CLCN4: variants seen among roughly 807,000 people sequenced by gnomAD.
CLCN4 encodes the protein H(+)/Cl(-) exchange transporter 4.
In CLCN4, 1 loss-of-function variant was observed where a neutral mutation model predicts 41.7. The observed-to-expected ratio is 0.02, with a 90% CI of 0.01 to 0.11. The LOEUF (loss-of-function observed/expected upper bound fraction) is 0.11, where lower values mean the gene tolerates loss of function less well. CLCN4 is among the 10% of genes least tolerant of loss of function. The probability of loss-of-function intolerance (pLI) is 1.00; values close to 1 mark genes in which losing one functional copy is unlikely to be tolerated. For synonymous variants in CLCN4, 277 were observed against 285.8 expected (o/e 0.97, Z 0.31); for missense variants, 287 against 661.0 (o/e 0.43, Z 6.20).
At chrX:10,157,167 T>C in intron 1 of CLCN4, 67 bp downstream of exon 1, 1 of 290,352 alleles carries the variant, frequency 3.4e-6, no homozygotes, top group Non-Finnish European at 6.0e-6. Flanking sequence ...ACTGCGACTT[T>C]GTTGATTTTT....
intron 12 of CLCN4, among the ~76,000 whole-genome samples, chrX:10,228,829 T>C (rs1372684940): frequency 9.0e-6 from 1 of 111,586 alleles, no homozygotes; most frequent in African/African-American, 3.3e-5. Context: ...CCAACCGGTG[T>C]AGAACTATTT....
At chrX:10,232,195 A>T (rs1186043962) in intron 12 of CLCN4, among the ~76,000 whole-genome samples, 1 of 111,723 alleles carries the variant, frequency 9.0e-6, no homozygotes, top group Non-Finnish European at 1.9e-5. Flanking sequence ...CTTTTCCAAG[A>T]CTGTTTAAGG....
intron 12 of CLCN4, among the ~76,000 whole-genome samples, chrX:10,233,073 G>A (rs1271434677): frequency 8.9e-6 from 1 of 111,901 alleles, no homozygotes; most frequent in East Asian, 2.8e-4. Context: ...GGATATAGTA[G>A]TCATCATAGG....
chrX:10,232,162 A>C (rs1169749678), intron 12 of CLCN4, among the ~76,000 whole-genome samples: 1 of 111,944 alleles, frequency 8.9e-6, no homozygotes, highest in Non-Finnish European at 1.9e-5. Context: ...ATACATAGGG[A>C]AACCAACACA....
rs779911971 is a variant in CLCN4, at chrX:10,208,137, G to T, written c.936G>T (p.Gly312=). The change falls in exon 9 of 13, where the codon GGG becomes GGT. Residue 312 remains glycine (G), a synonymous_variant. Transcript: ENST00000380833. ...CGCTGAGATCCATCAATCCCTTTGG[G>T]AATAGCCGTCTCGTTCTCTTTTATG... ...AFTLRSINPF[G]NSRLVLFYVE... 3.3e-6 allele frequency: 4 copies of T among 1,211,536 alleles called. No individual in the cohort carries two copies. Among genetic ancestry groups the T allele is most frequent in the South Asian group, 3.5e-5 (2 of 56,969 alleles).
intron 2 of CLCN4, among the ~76,000 whole-genome samples, chrX:10,180,767 CAAAAAAA>C (rs869040200): frequency 2.5e-3 from 62 of 25,038 alleles, no homozygotes; most frequent in Non-Finnish European, 3.7e-3. Context: ...AACTCCATCT[CAAAAAAA>C]AAAAAAAAAA....
intron 2 of CLCN4, among the ~76,000 whole-genome samples, chrX:10,179,691 A>G (rs1923623212): frequency 9.0e-6 from 1 of 111,583 alleles, no homozygotes; most frequent in Non-Finnish European, 1.9e-5. Flanking sequence ...GGCGACATGC[A>G]GGGGGATAAG....
At chrX:10,208,740 C>A in intron 9 of CLCN4, 150 bp downstream of exon 9, 1 of 464,368 alleles carries the variant, frequency 2.2e-6, no homozygotes, top group Non-Finnish European at 3.6e-6. Flanking sequence ...TTCCTTTAAT[C>A]AATAGGAAAT....
At chrX:10,212,142 C>T (rs935819353) in intron 9 of CLCN4, among the ~76,000 whole-genome samples, 2 of 112,406 alleles carry the variant, frequency 1.8e-5, no homozygotes, top group African/African-American at 6.5e-5. Flanking sequence ...AGTGGTGTCT[C>T]AACTGACAGA....
chrX:10,236,683 A>C lies in CLCN4; in HGVS notation c.*3099A>C, dbSNP rs1925260569. ...TTTATCTGGTGATCTGATGAACAGCATGGGGACGTGGAGGTGAAATAAGCA... is the reference window on the plus strand; with the variant it reads ...TTTATCTGGTGATCTGATGAACAGCCTGGGGACGTGGAGGTGAAATAAGCA... On this transcript the variant is annotated 3_prime_UTR_variant, in exon 13 of 13. Coordinates refer to ENST00000380833, the MANE Select transcript of CLCN4 (RefSeq NM_001830.4). 1 of 110,945 alleles carries C rather than the reference A, an allele frequency of 9.0e-6. No individual in the cohort carries two copies. Among genetic ancestry groups the C allele is most frequent in the Non-Finnish European group, 1.9e-5 (1 of 53,017 alleles). 9.1% of individuals were successfully genotyped at this position (110,945 alleles called of 1,213,427 possible).
chrX:10,202,003 AG>A (rs1382793299), intron 6 of CLCN4, among the ~76,000 whole-genome samples: 1 of 111,240 alleles, frequency 9.0e-6, no homozygotes, highest in South Asian at 3.8e-4. Flanking sequence ...AATTTAAAGA[AG>A]GTTTTTTTTA....
In CLCN4 at chrX:10,237,128, T is replaced by TTTTGAGCC. The variant is rs1477598594; in HGVS notation, c.*3546_*3553dup. On this transcript the variant is annotated 3_prime_UTR_variant, in exon 13 of 13. Coordinates refer to ENST00000380833, the MANE Select transcript of CLCN4 (RefSeq NM_001830.4). The stretch of plus-strand genomic sequence containing the variant: ...CAAAGGAGATGTGTAAACTGATAGA[T>TTTTGAGCC]TTTGAGCCTAATAAGTCACAGAAAT... The TTTTGAGCC allele has an allele frequency of 2.7e-5, 3 of 112,487 alleles. No individual in the cohort carries two copies. Among genetic ancestry groups the TTTTGAGCC allele is most frequent in the African/African-American group, 9.7e-5 (3 of 30,942 alleles). The allele number at this position is 112,487 out of a possible 1,213,427, so 9.3% of individuals were successfully genotyped here.
chrX:10,204,921 G>A (rs898006460), intron 6 of CLCN4, among the ~76,000 whole-genome samples: 5 of 110,794 alleles, frequency 4.5e-5, no homozygotes, highest in Non-Finnish European at 9.4e-5. Flanking sequence ...AAGGAGTGAA[G>A]ACCCAAAGAT....
At chrX:10,168,281 G>C (rs1006676334) in intron 2 of CLCN4, among the ~76,000 whole-genome samples, 1 of 111,682 alleles carries the variant, frequency 9.0e-6, no homozygotes, top group African/African-American at 3.3e-5. Flanking sequence ...TTGCAGATGC[G>C]GGATGTCATT....
At chrX:10,171,321 G>A (rs868698581) in intron 2 of CLCN4, among the ~76,000 whole-genome samples, 78 of 112,545 alleles carry the variant, frequency 6.9e-4, no homozygotes, top group Middle Eastern at 4.6e-3. Flanking sequence ...GCTCATTTGT[G>A]TAGGAGAGGT....
intron 12 of CLCN4, among the ~76,000 whole-genome samples, chrX:10,225,559 G>A (rs1239566165): frequency 2.7e-5 from 3 of 112,135 alleles, no homozygotes; most frequent in Non-Finnish European, 5.6e-5. Context: ...TCACTCTGAT[G>A]ATAGTTTCTT....
intron 8 of CLCN4, among the ~76,000 whole-genome samples, 182 bp from the exon 9 acceptor site, chrX:10,207,863 T>C (rs927159966): frequency 8.9e-6 from 1 of 112,225 alleles, no homozygotes; most frequent in East Asian, 2.8e-4. Context: ...ATTCCACTTC[T>C]AGACATAGTT....
chrX:10,225,213 T>A (rs937598686), intron 12 of CLCN4, among the ~76,000 whole-genome samples: 2 of 112,008 alleles, frequency 1.8e-5, no homozygotes, highest in Admixed American at 1.9e-4. Flanking sequence ...CCACCAACAG[T>A]GTAAAAGCAT....
Position 10,231,827 on chromosome X carries a change from C to T in CLCN4, c.2193-1667C>T, listed in dbSNP as rs917863925. 4.5e-5 allele frequency among the ~76,000 whole-genome samples: 5 copies of T among 111,747 alleles called. No homozygotes were observed. The South Asian group carries it at 1.5e-3, about 33-fold the overall frequency. On this transcript the variant is annotated intron_variant, in intron 12 of 12. Coordinates refer to ENST00000380833, the MANE Select transcript of CLCN4 (RefSeq NM_001830.4). ...TAATCTGTAGGAAAGTACTTTGAGA[C>T]CATGTGAATTTTCTGTTTTCCAGCA... is the stretch of plus-strand genomic sequence containing the variant.
Sources: allele counts gnomAD v4.1 joint callset (sites outside exome capture counted in the v4.1 genomes callset), GRCh38; gene constraint gnomAD v4.1.1; transcripts MANE v1.5; gene names NCBI Gene and HGNC (gene_info 2026-07-23, HGNC 2026-07-21).